PKHD1: variants seen among roughly 807,000 people sequenced by gnomAD.
The protein encoded by PKHD1 is PKHD1 ciliary IPT domain containing fibrocystin/polyductin, also known as fibrocystin.
In PKHD1, 291 loss-of-function variants were observed where a neutral mutation model predicts 412.0. The observed-to-expected ratio is 0.71, with a 90% CI of 0.64 to 0.78. PKHD1 has a LOEUF of 0.78. PKHD1 is among the 30% of genes least tolerant of loss of function. The pLI, the probability that PKHD1 is intolerant of heterozygous loss-of-function variation, is 0.00. For missense variants in PKHD1, 4,825 were observed against 4,950.7 expected (o/e 0.97, Z 0.76); for synonymous variants, 1,777 against 1,821.5 (o/e 0.98, Z 0.62).
Position 51,886,034 on chromosome 6 carries a change from T to C in PKHD1, c.7110-62A>G, listed in dbSNP as rs76831855. The C allele has an allele frequency of 1.8e-3, 1,789 of 1,013,444 alleles. 26 individuals are homozygous for C. The African/African-American group carries it at 0.025, about 14-fold the overall frequency. The allele number at this position is 1,013,444 out of a possible 1,614,324, so 62.8% of individuals were successfully genotyped here. ...TATGTTTCTAACTTTCTACTTTTTC[T>C]TGTTGAAAAATACAAAGTAAAAGTA... On this transcript the variant is annotated intron_variant, in intron 44 of 66. Transcript: ENST00000371117.
intron 13 of PKHD1, 107 bp downstream of exon 13, chr6:52,064,848 C>A (rs537703529): frequency 7.2e-6 from 3 of 417,804 alleles, no homozygotes; most frequent in Non-Finnish European, 1.3e-5. Flanking sequence ...ACTGAGTAAG[C>A]CAGTCAAATA....
At chr6:51,969,524 C>T (rs1475184349) in intron 35 of PKHD1, among the ~76,000 whole-genome samples, 1 of 152,136 alleles carries the variant, frequency 6.6e-6, no homozygotes, top group Non-Finnish European at 1.5e-5. Context: ...ACATTGTGCC[C>T]ATTAAGTAAT....
rs544507384 is a variant in PKHD1 at position 52,078,119 on chromosome 6, C to T, written c.390+1781G>A. On this transcript the variant is annotated intron_variant, in intron 5 of 66. Transcript: ENST00000371117. ...TACCAGACTTCCATGGGAAACACAG[C>T]AACTCCTTTATTACTCCCTCCCAGC... Among the ~76,000 whole-genome samples the T allele has an allele frequency of 4.6e-5, 7 of 152,252 alleles. No individual in the cohort carries two copies. In the South Asian group the frequency reaches 6.2e-4, roughly 14 times the overall value.
intron 46 of PKHD1, among the ~76,000 whole-genome samples, chr6:51,873,849 T>C (rs1229458630): frequency 6.6e-6 from 1 of 151,144 alleles, no homozygotes; most frequent in Non-Finnish European, 1.5e-5. Context: ...ACAAGACAAA[T>C]CAAAATAGAA....
At chr6:51,658,924 T>C (rs746770400) in intron 61 of PKHD1, 28 bp downstream of exon 61, 5 of 1,509,626 alleles carry the variant, frequency 3.3e-6, no homozygotes, top group Non-Finnish European at 4.6e-6. Context: ...TCAGCCCTCA[T>C]TTGGATGTGA....
In PKHD1 at chr6:52,019,256, G is replaced by C. The variant is rs2195592; in HGVS notation, c.5381-1627C>G. Reference sequence around the variant, plus strand: ...TATCAAGGGCCGTGGGCTTAGACCTGTGCTTCCCCGCCTCATTACAGTGCT... The same window carrying C: ...TATCAAGGGCCGTGGGCTTAGACCTCTGCTTCCCCGCCTCATTACAGTGCT... On this transcript the variant is annotated intron_variant, in intron 33 of 66. Transcript: ENST00000371117. Among the ~76,000 whole-genome samples, 1,507 of 152,338 alleles carry C rather than the reference G, an allele frequency of 9.9e-3. 33 individuals are homozygous for C. The highest frequency in any genetic ancestry group is 0.033 in the African/African-American group (1,387 of 41,568).
intron 48 of PKHD1, among the ~76,000 whole-genome samples, chr6:51,863,827 G>A (rs556390188): frequency 2.6e-5 from 4 of 152,270 alleles, no homozygotes; most frequent in Non-Finnish European, 4.4e-5. Flanking sequence ...GACACTAAAG[G>A]AAGATCTGGG....
intron 53 of PKHD1, among the ~76,000 whole-genome samples, chr6:51,785,273 G>A (rs1049562336): frequency 2.6e-5 from 4 of 152,116 alleles, no homozygotes; most frequent in African/African-American, 9.7e-5. Flanking sequence ...CCATCCAAAA[G>A]AAAACCAGTT....
chr6:51,996,431 C>T (rs1797726145), intron 35 of PKHD1, among the ~76,000 whole-genome samples: 1 of 152,146 alleles, frequency 6.6e-6, no homozygotes, highest in Non-Finnish European at 1.5e-5. Context: ...GGTTCTCTTG[C>T]ATAGAACTGA....
intron 60 of PKHD1, among the ~76,000 whole-genome samples, chr6:51,686,018 G>T (rs1777383819): frequency 6.6e-6 from 1 of 152,000 alleles, no homozygotes; most frequent in African/African-American, 2.4e-5. Context: ...CACTTCTTAA[G>T]TTTCTATAAA....
chr6:52,014,841 G>C (rs895068479), intron 34 of PKHD1, among the ~76,000 whole-genome samples: 26 of 151,608 alleles, frequency 1.7e-4, no homozygotes, highest in African/African-American at 6.1e-4. Flanking sequence ...CGAATAGACA[G>C]GGTATAATTT....
In PKHD1 at chr6:51,659,302, T is replaced by C. The variant is rs748671078; in HGVS notation, c.10824A>G (p.Leu3608=). 1 of 1,613,828 alleles carries C rather than the reference T, an allele frequency of 6.2e-7. No individual in the cohort carries two copies. Among genetic ancestry groups the C allele is most frequent in the Non-Finnish European group, 8.5e-7 (1 of 1,179,828 alleles). Residue 3608 remains leucine, a synonymous_variant, in exon 61 of 67, where the codon TTA becomes TTG. Coordinates refer to ENST00000371117, the MANE Select transcript of PKHD1 (RefSeq NM_138694.4). Reference sequence around the variant, plus strand: ...TTGCTCTACTGTCAGCAATGGCCTTTAAGGTCTCTTCATGGCCAGGCATCT... The same window carrying C: ...TTGCTCTACTGTCAGCAATGGCCTTCAAGGTCTCTTCATGGCCAGGCATCT... ...IHEMPGHEET[L]KAIADSRAKR...
chr6:51,798,348 A>T (rs1372107706), intron 52 of PKHD1, among the ~76,000 whole-genome samples: 5 of 151,618 alleles, frequency 3.3e-5, no homozygotes, highest in South Asian at 2.1e-4. Context: ...ACTGTACTCC[A>T]GCCTGGGGTA....
intron 54 of PKHD1, among the ~76,000 whole-genome samples, chr6:51,774,966 T>C (rs1790756623): frequency 1.3e-5 from 2 of 151,766 alleles, no homozygotes; most frequent in South Asian, 2.1e-4. Context: ...TATTTTATTA[T>C]TCTTTTAGAT....
chr6:51,799,147 T>G (rs1244409623), intron 52 of PKHD1, among the ~76,000 whole-genome samples: 1 of 135,146 alleles, frequency 7.4e-6, no homozygotes, highest in African/African-American at 2.6e-5. Context: ...TAATAGATGG[T>G]CAAAATTAAC....
chr6:51,679,174 C>T (rs1016607569), intron 60 of PKHD1, among the ~76,000 whole-genome samples: 1 of 151,980 alleles, frequency 6.6e-6, no homozygotes, highest in African/African-American at 2.4e-5. Context: ...AATTTTTTTC[C>T]CTCTCATGAC....
chr6:52,065,551 G>T (rs986986065), intron 12 of PKHD1, among the ~76,000 whole-genome samples: 2 of 152,098 alleles, frequency 1.3e-5, no homozygotes, highest in African/African-American at 4.8e-5. Flanking sequence ...TCCATAAAAG[G>T]GTTTGCCAAG....
intron 49 of PKHD1, among the ~76,000 whole-genome samples, chr6:51,853,240 T>A (rs1191775739): frequency 2.6e-5 from 4 of 152,232 alleles, no homozygotes; most frequent in Non-Finnish European, 5.9e-5. Context: ...TGGCTTCCAA[T>A]CTCCACTGGC....
chr6:51,908,581 A>G (rs144754031), intron 40 of PKHD1, among the ~76,000 whole-genome samples: 5 of 152,240 alleles, frequency 3.3e-5, no homozygotes, highest in African/African-American at 1.2e-4. Context: ...TTTGCCCTGG[A>G]TGTTCCTACA....
Sources: gnomAD v4.1 joint callset for allele counts (sites outside exome capture counted in the v4.1 genomes callset) on GRCh38, gnomAD v4.1.1 for gene constraint, MANE v1.5 for transcripts, NCBI Gene and HGNC (gene_info 2026-07-23, HGNC 2026-07-21) for gene names.